Variants in RBM33 observed in about 807,000 individuals in gnomAD.
RBM33 encodes the protein RNA binding motif protein 33.
In RBM33, 28 loss-of-function variants were observed where a neutral mutation model predicts 132.6. The observed-to-expected ratio is 0.21, with a 90% CI of 0.16 to 0.29. The LOEUF (loss-of-function observed/expected upper bound fraction) is 0.29, where lower values mean the gene tolerates loss of function less well. Among genes scored for constraint, RBM33 ranks in the 10% least tolerant of loss-of-function variants. RBM33 has a pLI of 1.00. For missense variants in RBM33, 1,291 were observed against 1,518.5 expected (o/e 0.85, Z 2.49); for synonymous variants, 634 against 593.0 (o/e 1.07, Z -1.01).
At position 155,763,627 on chromosome 7, in the gene RBM33, C is replaced by T. The variant is rs770876278; in HGVS notation, c.2980-185C>T. Reference sequence around the variant, plus strand: ...TGAAATTTCAAACATATTGTTAGAACCTGACCACTCTCCAATGAGAAATGT... The same window carrying T: ...TGAAATTTCAAACATATTGTTAGAATCTGACCACTCTCCAATGAGAAATGT... On this transcript the variant is annotated intron_variant, in intron 14 of 17. Coordinates refer to ENST00000401878, the MANE Select transcript of RBM33 (RefSeq NM_053043.3). Among the ~76,000 whole-genome samples the T allele has an allele frequency of 7.9e-5, 12 of 152,270 alleles. No homozygotes were observed. In the Middle Eastern group the frequency reaches 0.01, roughly 129 times the overall value.
At chr7:155,707,799 G>A (rs187174823) in intron 7 of RBM33, among the ~76,000 whole-genome samples, 1 of 152,296 alleles carries the variant, frequency 6.6e-6, no homozygotes, top group East Asian at 1.9e-4. Context: ...TGGGATTACA[G>A]GCACTTACCA....
At chr7:155,734,140 C>T (rs1394687868) in intron 9 of RBM33, among the ~76,000 whole-genome samples, 2 of 152,268 alleles carry the variant, frequency 1.3e-5, no homozygotes, top group Non-Finnish European at 2.9e-5. Context: ...AGAACATCGA[C>T]AGACCCACTC....
intron 6 of RBM33, among the ~76,000 whole-genome samples, chr7:155,703,817 A>G (rs1800034634): frequency 6.6e-6 from 1 of 152,240 alleles, no homozygotes; most frequent in African/African-American, 2.4e-5. Flanking sequence ...AGAGATCAAA[A>G]TAAAAAAACC....
intron 1 of RBM33, among the ~76,000 whole-genome samples, chr7:155,648,109 A>C (rs1477592061): frequency 7.2e-5 from 11 of 152,198 alleles, no homozygotes; most frequent in Admixed American, 7.2e-4. Context: ...TAGAAATAAA[A>C]AGTTTTAATG....
At chr7:155,735,217 C>T (rs1052096694) in intron 9 of RBM33, among the ~76,000 whole-genome samples, 4 of 152,146 alleles carry the variant, frequency 2.6e-5, no homozygotes, top group South Asian at 2.1e-4. Context: ...CATGTTCACA[C>T]CATGTGTTTC....
intron 14 of RBM33, among the ~76,000 whole-genome samples, chr7:155,759,470 T>G (rs929605639): frequency 2.7e-5 from 4 of 145,650 alleles, no homozygotes; most frequent in African/African-American, 5.2e-5. Context: ...CAGGCTGGAG[T>G]GCAGTGGTGC....
intron 2 of RBM33, among the ~76,000 whole-genome samples, chr7:155,668,238 G>C (rs551780773): frequency 6.6e-6 from 1 of 152,150 alleles, no homozygotes. Flanking sequence ...ATATGTGTCT[G>C]TGTGCTTTTT....
chr7:155,704,123 A>G (rs538699952), intron 6 of RBM33, among the ~76,000 whole-genome samples: 113 of 152,180 alleles, frequency 7.4e-4, no homozygotes, highest in African/African-American at 2.5e-3. Context: ...TTTCACATTC[A>G]CATCTCTGTG....
intron 9 of RBM33, among the ~76,000 whole-genome samples, chr7:155,726,384 TA>T (rs1231007126): frequency 6.6e-6 from 1 of 152,064 alleles, no homozygotes; most frequent in African/African-American, 2.4e-5. Flanking sequence ...TAACCTGAGT[TA>T]TCAGTTCTTC....
intron 9 of RBM33, among the ~76,000 whole-genome samples, chr7:155,735,081 ACTGT>A (rs1801071728): frequency 6.6e-6 from 1 of 152,232 alleles, no homozygotes; most frequent in Admixed American, 6.5e-5. Flanking sequence ...TAAGTCAGGA[ACTGT>A]CTGTATATGT....
At chr7:155,661,990 T>G (rs1359175864) in intron 1 of RBM33, among the ~76,000 whole-genome samples, 2 of 152,156 alleles carry the variant, frequency 1.3e-5, no homozygotes, top group Non-Finnish European at 2.9e-5. Flanking sequence ...TGGGTGCTGG[T>G]CTCCCTGTTC....
At chr7:155,673,436 G>GTGTA (rs1248384347) in intron 3 of RBM33, among the ~76,000 whole-genome samples, 1 of 98,386 alleles carries the variant, frequency 1.0e-5, no homozygotes, top group Admixed American at 9.9e-5. Context: ...GTGTGTGTGT[G>GTGTA]TGTGTATGTG....
At chr7:155,696,009 A>C (rs1799785138) in intron 5 of RBM33, among the ~76,000 whole-genome samples, 1 of 152,160 alleles carries the variant, frequency 6.6e-6, no homozygotes, top group South Asian at 2.1e-4. Context: ...TATTTGTTGT[A>C]ATGACTTTCC....
chr7:155,704,325 G>C (rs1189405439), intron 6 of RBM33, among the ~76,000 whole-genome samples: 2 of 152,172 alleles, frequency 1.3e-5, no homozygotes, highest in Non-Finnish European at 2.9e-5. Context: ...AAAGATTTGA[G>C]TGACAGTGTT....
intron 14 of RBM33, among the ~76,000 whole-genome samples, chr7:155,749,148 A>C (rs1801616791): frequency 6.6e-6 from 1 of 152,180 alleles, no homozygotes; most frequent in South Asian, 2.1e-4. Flanking sequence ...TCCAATCTGC[A>C]AGTGGGGTTA....
chr7:155,689,184 TC>T (rs1176889864), intron 5 of RBM33, among the ~76,000 whole-genome samples: 1 of 152,244 alleles, frequency 6.6e-6, no homozygotes. Flanking sequence ...TTCAACTTCT[TC>T]CTGGTTTAGT....
chr7:155,711,110 A>G, intron 7 of RBM33, 93 bp from the exon 8 acceptor site: 3 of 1,406,678 alleles, frequency 2.1e-6, no homozygotes, highest in Non-Finnish European at 2.8e-6. Context: ...AATTTGTAAC[A>G]CATCAGCATT....
chr7:155,659,346 C>T (rs938990248), intron 1 of RBM33, among the ~76,000 whole-genome samples: 2 of 151,524 alleles, frequency 1.3e-5, no homozygotes, highest in African/African-American at 4.9e-5. Context: ...AAACTATGAA[C>T]CAAAAAGCTA....
intron 1 of RBM33, among the ~76,000 whole-genome samples, chr7:155,650,798 A>G (rs1403464909): frequency 8.5e-5 from 13 of 152,226 alleles, no homozygotes; most frequent in East Asian, 5.8e-4. Flanking sequence ...AAATTTTCCT[A>G]GAAAAATTAT....
Sources: allele counts gnomAD v4.1 joint callset (sites outside exome capture counted in the v4.1 genomes callset), GRCh38; gene constraint gnomAD v4.1.1; transcripts MANE v1.5; gene names NCBI Gene and HGNC (gene_info 2026-07-23, HGNC 2026-07-21).